Variants in SPMIP5 observed in about 807,000 individuals in gnomAD.
SPMIP5 encodes the protein sperm microtubule inner protein 5.
the SPMIP5 span, among the ~76,000 whole-genome samples, chr10:116,662,289 C>T: frequency 6.6e-6 from 1 of 152,144 alleles, no homozygotes; most frequent in Non-Finnish European, 1.5e-5. Context: ...GTAATAACCA[C>T]CATGATTACA....
the SPMIP5 span, among the ~76,000 whole-genome samples, chr10:116,669,258 G>A: frequency 1.3e-5 from 2 of 152,266 alleles, no homozygotes; most frequent in South Asian, 2.1e-4. Context: ...GTGGAGGAGA[G>A]GGCCACAGTC....
the SPMIP5 span, among the ~76,000 whole-genome samples, chr10:116,666,198 T>A: frequency 6.6e-6 from 1 of 152,244 alleles, no homozygotes; most frequent in Non-Finnish European, 1.5e-5. Flanking sequence ...AAGAGAAAGC[T>A]TATTTTCCTC....
the SPMIP5 span, among the ~76,000 whole-genome samples, chr10:116,667,601 G>A: frequency 8.5e-5 from 13 of 152,172 alleles, no homozygotes; most frequent in Non-Finnish European, 1.8e-4. Flanking sequence ...CCTGAGAACG[G>A]CTGTATGGGA....
the SPMIP5 span, among the ~76,000 whole-genome samples, chr10:116,663,232 C>T: frequency 6.6e-6 from 1 of 151,510 alleles, no homozygotes; most frequent in Non-Finnish European, 1.5e-5. Context: ...AGAGAGGCAC[C>T]CAGGGGGCCT....
the SPMIP5 span, chr10:116,663,728 C>CA: frequency 7.5e-6 from 5 of 668,182 alleles, no homozygotes; most frequent in Non-Finnish European, 9.4e-6. Context: ...TCCCACATGA[C>CA]AAAAAACGGT....
chr10:116,664,387 T>C, the SPMIP5 span: 1 of 881,978 alleles, frequency 1.1e-6, no homozygotes, highest in African/African-American at 1.7e-5. Flanking sequence ...TGGTATGTTA[T>C]TTCTTTACAA....
At chr10:116,665,998 G>A in the SPMIP5 span, among the ~76,000 whole-genome samples, 15 of 152,162 alleles carry the variant, frequency 9.9e-5, no homozygotes, top group Non-Finnish European at 2.2e-4. Flanking sequence ...TTTCCACTGC[G>A]GCTGGGCCCT....
the SPMIP5 span, chr10:116,664,662 T>C: frequency 1.3e-6 from 2 of 1,536,036 alleles, no homozygotes; most frequent in African/African-American, 2.8e-5. Context: ...ACACAAATAG[T>C]CCTAGTGCTG....
At chr10:116,669,735 A>G in the SPMIP5 span, among the ~76,000 whole-genome samples, 1 of 152,166 alleles carries the variant, frequency 6.6e-6, no homozygotes. Flanking sequence ...GGGGGTGCGA[A>G]CAGATGACCT....
chr10:116,664,107 G>A, the SPMIP5 span: 1 of 1,613,732 alleles, frequency 6.2e-7, no homozygotes, highest in East Asian at 2.2e-5. Flanking sequence ...TAAGCAGAAA[G>A]GCCACTGCAA....
At chr10:116,669,030 G>A in the SPMIP5 span, among the ~76,000 whole-genome samples, 11 of 151,518 alleles carry the variant, frequency 7.3e-5, no homozygotes, top group Non-Finnish European at 1.3e-4. Context: ...GGCAGACATG[G>A]AGTCCAAGGA....
chr10:116,662,646 G>A, the SPMIP5 span, among the ~76,000 whole-genome samples: 4 of 152,146 alleles, frequency 2.6e-5, no homozygotes, highest in African/African-American at 7.2e-5. Context: ...TGTCCCAGGA[G>A]CTGTTATTTC....
chr10:116,665,289 T>A, the SPMIP5 span: 1 of 405,256 alleles, frequency 2.5e-6, no homozygotes, highest in South Asian at 4.6e-5. Flanking sequence ...CTCAGCTACT[T>A]GGCTGAGGCT....
the SPMIP5 span, chr10:116,664,568 G>T: frequency 8.8e-7 from 1 of 1,140,310 alleles, no homozygotes; most frequent in African/African-American, 1.6e-5. Flanking sequence ...GGGGAATGCT[G>T]AGCACAGGTT....
chr10:116,662,807 A>G, the SPMIP5 span, among the ~76,000 whole-genome samples: 23 of 152,298 alleles, frequency 1.5e-4, no homozygotes, highest in East Asian at 3.9e-3. Context: ...AACTAGAGTC[A>G]TTGCAGGTAT....
the SPMIP5 span, chr10:116,668,422 T>C: frequency 9.8e-7 from 1 of 1,020,436 alleles, no homozygotes; most frequent in South Asian, 1.3e-5. Flanking sequence ...AGTGGAAGAA[T>C]GACTGCCAGG....
At chr10:116,663,722 A>T in the SPMIP5 span, 1 of 636,054 alleles carries the variant, frequency 1.6e-6, no homozygotes, top group Non-Finnish European at 2.5e-6. Flanking sequence ...CTTTATTCCC[A>T]CATGACAAAA....
the SPMIP5 span, among the ~76,000 whole-genome samples, chr10:116,668,976 A>T: frequency 1.3e-5 from 1 of 74,774 alleles, no homozygotes; most frequent in Non-Finnish European, 3.0e-5. Flanking sequence ...CACACAAACA[A>T]GGGAGAAGAA....
the SPMIP5 span, among the ~76,000 whole-genome samples, chr10:116,663,139 G>A: frequency 9.0e-5 from 13 of 144,438 alleles, no homozygotes; most frequent in South Asian, 2.0e-3. Context: ...CCAAGATCAC[G>A]CCACTGCACT....
Sources: allele counts gnomAD v4.1 joint callset (sites outside exome capture counted in the v4.1 genomes callset), GRCh38; gene constraint gnomAD v4.1.1; transcripts MANE v1.5; gene names NCBI Gene and HGNC (gene_info 2026-07-23, HGNC 2026-07-21).